POLR2I: variants seen among roughly 807,000 people sequenced by gnomAD.
The protein encoded by POLR2I is DNA-directed RNA polymerase II subunit RPB9.
A neutral mutation model predicts 23.0 loss-of-function variants in POLR2I; 15 were observed. The ratio of observed to expected loss-of-function variants is 0.65; its 90% confidence interval spans 0.44 to 1.00. POLR2I has a LOEUF of 1.00. POLR2I is among the 50% of genes least tolerant of loss of function. POLR2I has a pLI of 0.00. For missense variants in POLR2I, 120 were observed against 173.7 expected (o/e 0.69, Z 1.74); for synonymous variants, 72 against 65.4 (o/e 1.10, Z -0.49).
At chr19:36,113,841 G>C in intron 5 of POLR2I, 24 bp from the exon 6 acceptor site, 2 of 1,611,682 alleles carry the variant, frequency 1.2e-6, no homozygotes, top group Non-Finnish European at 1.7e-6. Context: ...TGCATGGTTA[G>C]GAAGGATTTG....
Position 36,114,779 on chromosome 19 carries a change from C to T in POLR2I, c.59+19G>A. On this transcript the variant is annotated intron_variant, in intron 1 of 5. Coordinates refer to ENST00000221859, the MANE Select transcript of POLR2I (RefSeq NM_006233.5). The surrounding 1 kb of genome is among the most constrained non-coding windows in gnomAD (Gnocchi z 4.5). ...ATTCCTCGCCCGCCTTCTAACATCACCCGCTCCCTCCGCCTCACCATTCCT... is the reference window on the plus strand; with the variant it reads ...ATTCCTCGCCCGCCTTCTAACATCATCCGCTCCCTCCGCCTCACCATTCCT... 5.0e-6 allele frequency: 8 copies of T among 1,614,148 alleles called. No homozygotes were observed. Among genetic ancestry groups the T allele is most frequent in the Non-Finnish European group, 6.8e-6 (8 of 1,179,962 alleles).
At position 36,114,851 on chromosome 19, in the gene POLR2I, C is replaced by A. The variant is rs765119301; in HGVS notation, c.6G>T (p.Glu2Asp). 2 of 1,613,716 alleles carry A rather than the reference C, an allele frequency of 1.2e-6. No homozygotes were observed. Among genetic ancestry groups the A allele is most frequent in the South Asian group, 1.1e-5 (1 of 91,076 alleles). The change falls in exon 1 of 6, where the codon GAG (glutamate) becomes GAT (aspartate). Residue 2 changes from glutamate to aspartate, a missense_variant. By Grantham distance (45) the Glu-to-Asp change is conservative (BLOSUM62 2). Coordinates refer to ENST00000221859, the MANE Select transcript of POLR2I (RefSeq NM_006233.5). This position sits in a 1 kb window ranked among gnomAD's most constrained non-coding sequence, Gnocchi z 4.5. ...AGCCCGGCTCGTAAGTCCCGTCGGGCTCCATGGCGACGCGCAGCCCGCGCA... is the reference window on the plus strand; with the variant it reads ...AGCCCGGCTCGTAAGTCCCGTCGGGATCCATGGCGACGCGCAGCCCGCGCA... M[E>D]PDGTYEPGFV...
Position 36,114,823 on chromosome 19 carries a change from C to G in POLR2I, c.34G>C (p.Val12Leu). 4 of 1,614,168 alleles carry G rather than the reference C, an allele frequency of 2.5e-6. No individual in the cohort carries two copies. The highest frequency in any genetic ancestry group is 3.4e-6 in the Non-Finnish European group (4 of 1,180,038). ...CATTCCTGGCAGAAGCGAATACCCA[C>G]GAAGCCCGGCTCGTAAGTCCCGTCG... The part of the protein sequence containing the change: ...EPDGTYEPGF[V>L]GIRFCQECNN... Residue 12 changes from valine (V) to leucine (L), a missense_variant, in exon 1 of 6, where the codon GTG (valine) becomes CTG (leucine). Val to Leu is a conservative substitution (Grantham distance 32, BLOSUM62 1). Transcript: ENST00000221859. This position sits in a 1 kb window ranked among gnomAD's most constrained non-coding sequence, Gnocchi z 4.5.
rs1160956024 is a variant in POLR2I at position 36,114,271 on chromosome 19, CA to C, written c.189-21del. 1.2e-6 allele frequency: 2 copies of C among 1,613,398 alleles called. No homozygotes were observed. Among genetic ancestry groups the C allele is most frequent in the Non-Finnish European group, 1.7e-6 (2 of 1,179,802 alleles). On this transcript the variant is annotated intron_variant, in intron 3 of 5. Transcript: ENST00000221859. The surrounding 1 kb of genome is among the most constrained non-coding windows in gnomAD (Gnocchi z 4.5). ...AGTTCGCTGCAGGGACGCGGGGGTG[CA>C]AAATTACGCTCAGACCCAGCCTCCA... is the stretch of plus-strand genomic sequence containing the variant.
In POLR2I at chr19:36,113,779, G is replaced by C. The variant is rs763948769; in HGVS notation, c.354C>G (p.His118Gln). The C allele has an allele frequency of 6.2e-7, 1 of 1,613,434 alleles. No homozygotes were observed. The highest frequency in any genetic ancestry group is 8.5e-7 in the Non-Finnish European group (1 of 1,179,942). Residue 118 changes from histidine to glutamine, a missense_variant, in exon 6 of 6, where the codon CAC becomes CAG. By Grantham distance (24) the His-to-Gln change is conservative. Transcript: ENST00000221859. ...MRLYYVCTAPHCGHRWTE is the reference protein window; with the variant it reads ...MRLYYVCTAPQCGHRWTE ...GTCACTCGGTCCAGCGGTGGCCGCAGTGTGGGGCTGTGCACACGTAGTAAA... is the reference window on the plus strand; with the variant it reads ...GTCACTCGGTCCAGCGGTGGCCGCACTGTGGGGCTGTGCACACGTAGTAAA...
In POLR2I at chr19:36,114,447, C is replaced by CGGAAGGATTCCAGACAAGATTGGGA. The variant is rs762151648; in HGVS notation, c.115-60_115-36dup. On this transcript the variant is annotated intron_variant, in intron 2 of 5. Transcript: ENST00000221859. This position sits in a 1 kb window ranked among gnomAD's most constrained non-coding sequence, Gnocchi z 4.5. ...GGCGAGTGTGGGGGAAAGGGGGTCACGGAAGGATTCCAGACAAGATTGGGA... is the reference window on the plus strand; with the variant it reads ...GGCGAGTGTGGGGGAAAGGGGGTCACGGAAGGATTCCAGACAAGATTGGGAGGAAGGATTCCAGACAAGATTGGGA... The CGGAAGGATTCCAGACAAGATTGGGA allele has an allele frequency of 3.1e-6, 5 of 1,595,404 alleles. No homozygotes were observed. Among genetic ancestry groups the CGGAAGGATTCCAGACAAGATTGGGA allele is most frequent in the Non-Finnish European group, 4.3e-6 (5 of 1,163,414 alleles).
intron 5 of POLR2I, 30 bp downstream of exon 5, chr19:36,113,983 CCA>C: frequency 6.2e-7 from 1 of 1,611,648 alleles, no homozygotes; most frequent in Non-Finnish European, 8.5e-7. Context: ...CAAACAAGCC[CCA>C]GATACTTAGA....
In POLR2I at chr19:36,114,850, G is replaced by A. The variant is rs759329403; in HGVS notation, c.7C>T (p.Pro3Ser). The A allele has an allele frequency of 1.9e-6, 3 of 1,613,524 alleles. No homozygotes were observed. The highest frequency in any genetic ancestry group is 1.3e-5 in the African/African-American group (1 of 74,912). The change falls in exon 1 of 6, where the codon CCC (proline) becomes TCC (serine). Residue 3 changes from proline to serine, a missense_variant. Pro to Ser is a moderately conservative substitution (Grantham distance 74, BLOSUM62 -1). Transcript: ENST00000221859. This position sits in a 1 kb window ranked among gnomAD's most constrained non-coding sequence, Gnocchi z 4.5. ME[P>S]DGTYEPGFVG... Reference sequence around the variant, plus strand: ...AAGCCCGGCTCGTAAGTCCCGTCGGGCTCCATGGCGACGCGCAGCCCGCGC... The same window carrying A: ...AAGCCCGGCTCGTAAGTCCCGTCGGACTCCATGGCGACGCGCAGCCCGCGC...
chr19:36,114,104 C>A lies in POLR2I; in HGVS notation c.264-38G>T. 1 of 1,613,778 alleles carries A rather than the reference C, an allele frequency of 6.2e-7. No individual in the cohort carries two copies. The highest frequency in any genetic ancestry group is 8.5e-7 in the Non-Finnish European group (1 of 1,179,746). ...GGGCTCGGTCACCGGAGGCTTCACA[C>A]CCTTCCCTCCTCCCTTCGCCCAGTG... On this transcript the variant is annotated intron_variant, in intron 4 of 5. Transcript: ENST00000221859. The surrounding 1 kb of genome is among the most constrained non-coding windows in gnomAD (Gnocchi z 4.5).
At position 36,114,717 on chromosome 19, in the gene POLR2I, T is replaced by G; in HGVS notation, c.60-4A>C. On this transcript the variant is annotated splice_polypyrimidine_tract_variant and splice_region_variant and intron_variant, in intron 1 of 5. Transcript: ENST00000221859. The surrounding 1 kb of genome is among the most constrained non-coding windows in gnomAD (Gnocchi z 4.5). ...CTTGGGGTACAGCATGTTGTTACTG[T>G]GGGGAGGGGGAGGTGCCAGGGGTTA... is the stretch of plus-strand genomic sequence containing the variant. The G allele has an allele frequency of 6.2e-7, 1 of 1,612,832 alleles. No homozygotes were observed. The highest frequency in any genetic ancestry group is 8.5e-7 in the Non-Finnish European group (1 of 1,178,956).
chr19:36,114,324 G>C lies in POLR2I; in HGVS notation c.188+15C>G. On this transcript the variant is annotated intron_variant, in intron 3 of 5. Transcript: ENST00000221859. This position sits in a 1 kb window ranked among gnomAD's most constrained non-coding sequence, Gnocchi z 4.5. Reference sequence around the variant, plus strand: ...AGCCAACACCCCCGCCCCCAGCTCAGGGCCCGCCACTCACTCCACTTCGTG... The same window carrying C: ...AGCCAACACCCCCGCCCCCAGCTCACGGCCCGCCACTCACTCCACTTCGTG... The C allele has an allele frequency of 1.2e-6, 2 of 1,613,924 alleles. No individual in the cohort carries two copies. Among genetic ancestry groups the C allele is most frequent in the Non-Finnish European group, 8.5e-7 (1 of 1,179,908 alleles).
rs1973887866 is a variant in POLR2I at position 36,113,806 on chromosome 19, G to A, written c.327C>T (p.Arg109=). ...SHSARAEDAM[R]LYYVCTAPHC... Reference sequence around the variant, plus strand: ...GTGGGGCTGTGCACACGTAGTAAAGGCGCATGGCGTCCTGGCAGAAATGAT... The same window carrying A: ...GTGGGGCTGTGCACACGTAGTAAAGACGCATGGCGTCCTGGCAGAAATGAT... The change falls in exon 6 of 6, where the codon CGC becomes CGT. Residue 109 remains arginine (R), a synonymous_variant. Transcript: ENST00000221859. The A allele has an allele frequency of 1.2e-6, 2 of 1,612,986 alleles. No individual in the cohort carries two copies. Among genetic ancestry groups the A allele is most frequent in the African/African-American group, 1.3e-5 (1 of 75,014 alleles).
Position 36,114,663 on chromosome 19 carries a change from T to C in POLR2I, c.110A>G (p.Tyr37Cys). Residue 37 changes from tyrosine to cysteine, a missense_variant, in exon 2 of 6, where the codon TAC becomes TGC. Coordinates refer to ENST00000221859, the MANE Select transcript of POLR2I (RefSeq NM_006233.5). This position sits in a 1 kb window ranked among gnomAD's most constrained non-coding sequence, Gnocchi z 4.5. ...KEDKENRILL[Y>C]ACRNCDYQQE... Reference sequence around the variant, plus strand: ...GGGGAAGACCCCGGCGCTCACCGCGTAGAGCAGAATGCGGTTCTCCTTGTC... The same window carrying C: ...GGGGAAGACCCCGGCGCTCACCGCGCAGAGCAGAATGCGGTTCTCCTTGTC... 1 of 1,608,648 alleles carries C rather than the reference T, an allele frequency of 6.2e-7. No individual in the cohort carries two copies. The highest frequency in any genetic ancestry group is 8.5e-7 in the Non-Finnish European group (1 of 1,175,648).
chr19:36,114,606 G>T lies in POLR2I; in HGVS notation c.114+53C>A. 1 of 1,544,850 alleles carries T rather than the reference G, an allele frequency of 6.5e-7. No individual in the cohort carries two copies. The highest frequency in any genetic ancestry group is 8.9e-7 in the Non-Finnish European group (1 of 1,126,138). On this transcript the variant is annotated intron_variant, in intron 2 of 5. Coordinates refer to ENST00000221859, the MANE Select transcript of POLR2I (RefSeq NM_006233.5). This position sits in a 1 kb window ranked among gnomAD's most constrained non-coding sequence, Gnocchi z 4.5. Reference sequence around the variant, plus strand: ...TCCGATCACAGAGGCAGGGGGCAGGGCGGGGCCACGCTGGGAACAGGTGGA... The same window carrying T: ...TCCGATCACAGAGGCAGGGGGCAGGTCGGGGCCACGCTGGGAACAGGTGGA...
chr19:36,114,758 C>T lies in POLR2I; in HGVS notation c.59+40G>A. The T allele has an allele frequency of 2.5e-6, 4 of 1,613,916 alleles. No individual in the cohort carries two copies. Among genetic ancestry groups the T allele is most frequent in the South Asian group, 2.2e-5 (2 of 91,082 alleles). Reference sequence around the variant, plus strand: ...CCAGGGGTTAGTTCTGGAGCCATTCCTCGCCCGCCTTCTAACATCACCCGC... The same window carrying T: ...CCAGGGGTTAGTTCTGGAGCCATTCTTCGCCCGCCTTCTAACATCACCCGC... On this transcript the variant is annotated intron_variant, in intron 1 of 5. Coordinates refer to ENST00000221859, the MANE Select transcript of POLR2I (RefSeq NM_006233.5). This position sits in a 1 kb window ranked among gnomAD's most constrained non-coding sequence, Gnocchi z 4.5.
rs1286853618 is a variant in POLR2I, at chr19:36,114,677, G to A, written c.96C>T (p.Asn32=). Reference sequence around the variant, plus strand: ...CGCTCACCGCGTAGAGCAGAATGCGGTTCTCCTTGTCTTCCTTGGGGTACA... The same window carrying A: ...CGCTCACCGCGTAGAGCAGAATGCGATTCTCCTTGTCTTCCTTGGGGTACA... ...NMLYPKEDKE[N]RILLYACRNC... is the part of the protein sequence containing the mutation. Residue 32 remains asparagine, a synonymous_variant, in exon 2 of 6, where the codon AAC becomes AAT. Coordinates refer to ENST00000221859, the MANE Select transcript of POLR2I (RefSeq NM_006233.5). The surrounding 1 kb of genome is among the most constrained non-coding windows in gnomAD (Gnocchi z 4.5). 2 of 1,610,492 alleles carry A rather than the reference G, an allele frequency of 1.2e-6. No individual in the cohort carries two copies. The highest frequency in any genetic ancestry group is 1.7e-6 in the Non-Finnish European group (2 of 1,177,160).
Position 36,114,052 on chromosome 19 carries a change from TC to T in POLR2I, c.277del (p.Glu93ArgfsTer49). On this transcript the variant is annotated frameshift_variant, in exon 5 of 6. Coordinates refer to ENST00000221859, the MANE Select transcript of POLR2I (RefSeq NM_006233.5). LOFTEE classifies it high-confidence loss of function. This position sits in a 1 kb window ranked among gnomAD's most constrained non-coding sequence, Gnocchi z 4.5. ...DHPCQKCGHK[E>X]AVFFQSHSAR... The stretch of plus-strand genomic sequence containing the variant: ...ACTGTGTGACTGGAAGAACACAGCC[TC>T]CTTGTGGCCGCACCTGAGAGGGTAG... 6.2e-7 allele frequency: 1 copy of T among 1,614,010 alleles called. No individual in the cohort carries two copies. Among genetic ancestry groups the T allele is most frequent in the Non-Finnish European group, 8.5e-7 (1 of 1,179,982 alleles).
chr19:36,114,449 G>A lies in POLR2I; in HGVS notation c.115-37C>T, dbSNP rs780050026. On this transcript the variant is annotated intron_variant, in intron 2 of 5. Coordinates refer to ENST00000221859, the MANE Select transcript of POLR2I (RefSeq NM_006233.5). This position sits in a 1 kb window ranked among gnomAD's most constrained non-coding sequence, Gnocchi z 4.5. ...CGAGTGTGGGGGAAAGGGGGTCACG[G>A]AAGGATTCCAGACAAGATTGGGAGG... 12 of 1,593,230 alleles carry A rather than the reference G, an allele frequency of 7.5e-6. No individual in the cohort carries two copies. The highest frequency in any genetic ancestry group is 1.0e-5 in the Non-Finnish European group (12 of 1,161,514).
Position 36,114,065 on chromosome 19 carries a change from A to G in POLR2I, c.265T>C (p.Cys89Arg), listed in dbSNP as rs1599860318. 1.9e-6 allele frequency: 3 copies of G among 1,613,986 alleles called. No homozygotes were observed. The highest frequency in any genetic ancestry group is 2.5e-6 in the Non-Finnish European group (3 of 1,179,972). Residue 89 changes from cysteine (C) to arginine (R), a missense_variant and splice_region_variant, in exon 5 of 6, where the codon TGC becomes CGC. Cys to Arg is a radical substitution (Grantham distance 180, BLOSUM62 -3). Coordinates refer to ENST00000221859, the MANE Select transcript of POLR2I (RefSeq NM_006233.5). The surrounding 1 kb of genome is among the most constrained non-coding windows in gnomAD (Gnocchi z 4.5). Reference sequence around the variant, plus strand: ...AAGAACACAGCCTCCTTGTGGCCGCACCTGAGAGGGTAGGGGCTCGGTCAC... The same window carrying G: ...AAGAACACAGCCTCCTTGTGGCCGCGCCTGAGAGGGTAGGGGCTCGGTCAC... Reference protein sequence around the residue: ...PRTEDHPCQKCGHKEAVFFQS... With the variant: ...PRTEDHPCQKRGHKEAVFFQS...
Sources: gnomAD v4.1 joint callset for allele counts on GRCh38, gnomAD v4.1.1 for gene constraint, Gnocchi (gnomAD v3.1) non-coding constraint, MANE v1.5 for transcripts, NCBI Gene and HGNC (gene_info 2026-07-23, HGNC 2026-07-21) for gene names.